SOS1: variants seen among roughly 807,000 people sequenced by gnomAD.
SOS1 encodes the protein son of sevenless homolog 1.
Under a neutral mutation model 157.6 loss-of-function variants are expected in SOS1, and 25 were observed. The observed-to-expected ratio is 0.16, with a 90% CI of 0.12 to 0.22. The LOEUF is 0.22. Among genes scored for constraint, SOS1 ranks in the 10% least tolerant of loss-of-function variants. SOS1 has a pLI of 1.00. For missense variants in SOS1, 1,237 were observed against 1,599.1 expected (o/e 0.77, Z 3.86); for synonymous variants, 528 against 534.0 (o/e 0.99, Z 0.16).
At chr2:39,054,893 C>T (rs755745189) in intron 4 of SOS1, 70 bp from the exon 5 acceptor site, 3 of 844,874 alleles carry the variant, frequency 3.6e-6, no homozygotes, top group Non-Finnish European at 5.9e-6. Flanking sequence ...GTGAAATGCT[C>T]TAAGTTCTCT....
intron 1 of SOS1, among the ~76,000 whole-genome samples, chr2:39,106,733 T>A (rs1255226263): frequency 1.3e-5 from 2 of 152,198 alleles, no homozygotes; most frequent in African/African-American, 4.8e-5. Flanking sequence ...TCTGAGGAAT[T>A]TCATTCACTG....
At chr2:39,014,965 C>T (rs1260174607) in intron 10 of SOS1, 119 bp from the exon 11 acceptor site, 2 of 679,552 alleles carry the variant, frequency 2.9e-6, no homozygotes, top group Non-Finnish European at 5.3e-6. Context: ...AATGTTTTGC[C>T]AAGTAGAAGG....
chr2:39,063,316 T>A (rs1671475489), intron 2 of SOS1, among the ~76,000 whole-genome samples: 1 of 133,612 alleles, frequency 7.5e-6, no homozygotes. Flanking sequence ...GTATTACAAG[T>A]ATTCTAGAGA....
chr2:39,099,049 C>G (rs1346676605), intron 1 of SOS1, among the ~76,000 whole-genome samples: 1 of 151,944 alleles, frequency 6.6e-6, no homozygotes, highest in Non-Finnish European at 1.5e-5. Flanking sequence ...AAATGAAAAC[C>G]ACAATGAGAT....
chr2:39,064,669 T>C (rs1443315749), intron 2 of SOS1, among the ~76,000 whole-genome samples: 1 of 151,892 alleles, frequency 6.6e-6, no homozygotes, highest in Non-Finnish European at 1.5e-5. Context: ...GGAACCATTA[T>C]GAAGCGTATT....
chr2:39,011,905 T>A (rs1669485442), intron 14 of SOS1, among the ~76,000 whole-genome samples: 1 of 152,158 alleles, frequency 6.6e-6, no homozygotes, highest in East Asian at 1.9e-4. Context: ...AACCTAGCCT[T>A]ACCAACTAGG....
At chr2:39,099,149 G>A (rs969228773) in intron 1 of SOS1, among the ~76,000 whole-genome samples, 2 of 152,168 alleles carry the variant, frequency 1.3e-5, no homozygotes, top group African/African-American at 2.4e-5. Context: ...CTGCTAGTGG[G>A]AATGAAAATA....
chr2:39,054,656 A>G lies in SOS1; in HGVS notation c.678T>C (p.Phe226=), dbSNP rs368545144. 3.8e-6 allele frequency: 6 copies of G among 1,594,086 alleles called. No homozygotes were observed. Among genetic ancestry groups the G allele is most frequent in the Non-Finnish European group, 5.2e-6 (6 of 1,162,056 alleles). The part of the protein sequence containing the change: ...IRELNLIIKV[F]REPFVSNSKL... ...TTGAATTGGAGACAAAGGGCTCTCT[A>G]AAAACTTTTATAATTAGATTTAGTT... The change falls in exon 5 of 23, where the codon TTT becomes TTC. Residue 226 remains phenylalanine, a synonymous_variant. Transcript: ENST00000402219.
intron 1 of SOS1, among the ~76,000 whole-genome samples, chr2:39,069,853 C>A (rs1671738470): frequency 6.6e-6 from 1 of 152,168 alleles, no homozygotes; most frequent in African/African-American, 2.4e-5. Context: ...TGGCCTAAAA[C>A]AAATTTTTTT....
At chr2:39,101,296 C>T (rs1672957642) in intron 1 of SOS1, among the ~76,000 whole-genome samples, 1 of 152,088 alleles carries the variant, frequency 6.6e-6, no homozygotes, top group Non-Finnish European at 1.5e-5. Flanking sequence ...AGGGACCTGC[C>T]CCATGACCCC....
intron 10 of SOS1, among the ~76,000 whole-genome samples, chr2:39,015,891 G>T (rs1669616521): frequency 6.7e-6 from 1 of 148,416 alleles, no homozygotes; most frequent in South Asian, 2.1e-4. Context: ...TTTGTATTAG[G>T]GACTGGTAGA....
At chr2:39,039,546 A>G (rs988793536) in intron 6 of SOS1, among the ~76,000 whole-genome samples, 36 of 152,220 alleles carry the variant, frequency 2.4e-4, no homozygotes, top group African/African-American at 8.7e-4. Flanking sequence ...GAATCTACTT[A>G]TATGGTTGTG....
rs75937422 is a variant in SOS1 at position 39,058,658 on chromosome 2, G to A, written c.345+15C>T. 1,144 of 1,611,424 alleles carry A rather than the reference G, an allele frequency of 7.1e-4. 13 individuals carry two copies. In the African/African-American group the frequency reaches 0.014, roughly 20 times the overall value. ...TTTTCCCTTAAAAGGCAAGAAGGCA[G>A]TAGTTCAGCATTACCTTTAATAAAG... On this transcript the variant is annotated intron_variant, in intron 3 of 22. Coordinates refer to ENST00000402219, the MANE Select transcript of SOS1 (RefSeq NM_005633.4).
intron 8 of SOS1, chr2:39,034,805 G>C (rs1438414441): frequency 8.8e-6 from 4 of 456,970 alleles, no homozygotes; most frequent in Non-Finnish European, 1.8e-5. Flanking sequence ...CCTCACACTG[G>C]CTCCCTTATC....
chr2:39,003,308 G>C (rs1381625403), intron 17 of SOS1, among the ~76,000 whole-genome samples: 3 of 152,052 alleles, frequency 2.0e-5, no homozygotes, highest in African/African-American at 4.8e-5. Flanking sequence ...ATGAAATGAA[G>C]CAATTCTGTA....
intron 1 of SOS1, among the ~76,000 whole-genome samples, chr2:39,069,070 G>A (rs1196645468): frequency 6.6e-6 from 1 of 151,920 alleles, no homozygotes; most frequent in Non-Finnish European, 1.5e-5. Context: ...ACTAGACTGA[G>A]TGTGGTGGCT....
intron 1 of SOS1, among the ~76,000 whole-genome samples, chr2:39,077,337 A>C (rs1672040552): frequency 1.3e-5 from 2 of 152,016 alleles, no homozygotes; most frequent in African/African-American, 2.4e-5. Context: ...AAAAAAAAGA[A>C]AGAAAATCCT....
intron 6 of SOS1, 135 bp downstream of exon 6, chr2:39,051,009 G>C (rs1358401496): frequency 1.2e-6 from 1 of 822,886 alleles, no homozygotes; most frequent in East Asian, 2.6e-5. Flanking sequence ...ATGACCCTAT[G>C]AAAAAGGAGC....
chr2:39,076,686 T>A (rs1340111232), intron 1 of SOS1, among the ~76,000 whole-genome samples: 6 of 152,170 alleles, frequency 3.9e-5, no homozygotes, highest in African/African-American at 1.4e-4. Flanking sequence ...ACAAAAATCA[T>A]AATCAATAGT....
Sources: gnomAD v4.1 joint callset for allele counts (sites outside exome capture counted in the v4.1 genomes callset) on GRCh38, gnomAD v4.1.1 for gene constraint, MANE v1.5 for transcripts, NCBI Gene and HGNC (gene_info 2026-07-23, HGNC 2026-07-21) for gene names.